Variants in NINL observed in about 807,000 individuals in gnomAD.
NINL encodes the protein ninein-like protein.
A neutral mutation model predicts 160.3 loss-of-function variants in NINL; 153 were observed. The observed-to-expected ratio is 0.95, with a 90% CI of 0.84 to 1.09. The LOEUF (loss-of-function observed/expected upper bound fraction) is 1.09, where lower values mean the gene tolerates loss of function less well. Ranked by LOEUF, NINL falls within the 50% of genes least tolerant of loss-of-function variation. NINL has a pLI of 0.00. For missense variants in NINL, 1,829 were observed against 1,764.0 expected (o/e 1.04, Z -0.66); for synonymous variants, 800 against 734.8 (o/e 1.09, Z -1.43).
intron 17 of NINL, among the ~76,000 whole-genome samples, chr20:25,475,643 G>A (rs1394494080): frequency 3.3e-5 from 5 of 152,128 alleles, no homozygotes; most frequent in African/African-American, 7.2e-5. Flanking sequence ...AGGCCAAGGC[G>A]GGCAGATCAC....
chr20:25,457,360 C>T (rs925849057), intron 22 of NINL, among the ~76,000 whole-genome samples: 2 of 152,126 alleles, frequency 1.3e-5, no homozygotes, highest in Non-Finnish European at 2.9e-5. Context: ...TATGTTCTGG[C>T]CCAAACCACA....
At chr20:25,512,701 T>C in intron 4 of NINL, 133 bp downstream of exon 4, 1 of 1,153,610 alleles carries the variant, frequency 8.7e-7, no homozygotes, top group Non-Finnish European at 1.2e-6. Flanking sequence ...ACCAAGCTTC[T>C]GGCGACTCAG....
chr20:25,498,959 C>T, intron 8 of NINL: 1 of 985,498 alleles, frequency 1.0e-6, no homozygotes, highest in Non-Finnish European at 1.2e-6. Flanking sequence ...CTAAGACCCT[C>T]AGCTCAAGGG....
intron 1 of NINL, among the ~76,000 whole-genome samples, chr20:25,530,243 G>A (rs531705587): frequency 9.2e-5 from 14 of 152,144 alleles, no homozygotes; most frequent in African/African-American, 3.4e-4. Flanking sequence ...GCACACGCAC[G>A]TACATAACAC....
chr20:25,527,108 T>C (rs767526508), intron 1 of NINL, among the ~76,000 whole-genome samples: 1 of 151,630 alleles, frequency 6.6e-6, no homozygotes, highest in Non-Finnish European at 1.5e-5. Context: ...AAAATTCCAC[T>C]ACCATATAAA....
intron 1 of NINL, among the ~76,000 whole-genome samples, chr20:25,548,778 C>T (rs66927803): frequency 0.08 from 11,579 of 145,346 alleles, 639 homozygotes; most frequent in African/African-American, 0.18. Context: ...CCCACGGCCA[C>T]AGCTCCCACA....
At chr20:25,512,247 T>G (rs913316717) in intron 4 of NINL, among the ~76,000 whole-genome samples, 21 of 152,264 alleles carry the variant, frequency 1.4e-4, no homozygotes, top group African/African-American at 2.2e-4. Flanking sequence ...GTGTTCAAGA[T>G]AAGTAGGGCT....
chr20:25,482,147 A>G, intron 13 of NINL, 47 bp from the exon 14 acceptor site: 3 of 1,566,716 alleles, frequency 1.9e-6, no homozygotes, highest in Non-Finnish European at 2.6e-6. Context: ...GCAGCCATTC[A>G]GCCCAGCGAG....
intron 17 of NINL, among the ~76,000 whole-genome samples, chr20:25,473,719 T>C (rs544355528): frequency 0.012 from 1,410 of 120,270 alleles, 17 homozygotes; most frequent in African/African-American, 0.038. Context: ...CACACACACA[T>C]CAGCTGGGCA....
chr20:25,491,412 T>G lies in NINL; in HGVS notation c.1424A>C (p.Asp475Ala). Residue 475 changes from aspartate (D) to alanine (A), a missense_variant, in exon 11 of 24, where the codon GAC becomes GCC. Physicochemically the swap from Asp to Ala is moderately radical, Grantham distance 126. Transcript: ENST00000278886. ...CTCCTCAGCCTGCAGGCGCCCCACG[T>G]CCCACTCCAGCGCGGCCCTCTGCCT... The part of the protein sequence containing the change: ...AHRQRAALEW[D>A]VGRLQAEEAG... The G allele has an allele frequency of 6.2e-7, 1 of 1,613,216 alleles. No homozygotes were observed. Among genetic ancestry groups the G allele is most frequent in the Non-Finnish European group, 8.5e-7 (1 of 1,179,978 alleles).
chr20:25,488,582 T>G (rs1410906455), intron 13 of NINL, among the ~76,000 whole-genome samples: 1 of 151,912 alleles, frequency 6.6e-6, no homozygotes, highest in Non-Finnish European at 1.5e-5. Context: ...TGTCATGTGA[T>G]ATCATGATGG....
chr20:25,477,142 C>G (rs2063278725), intron 16 of NINL, 53 bp from the exon 17 acceptor site: 1 of 1,484,772 alleles, frequency 6.7e-7, no homozygotes, highest in South Asian at 1.3e-5. Context: ...CAGCCCCTCT[C>G]TCGGGTTTGA....
rs554669174 is a variant in NINL at position 25,553,997 on chromosome 20, C to T, written c.-11-27399G>A. 3.9e-5 allele frequency among the ~76,000 whole-genome samples: 6 copies of T among 152,364 alleles called. No individual in the cohort carries two copies. In the East Asian group the frequency reaches 1.2e-3, roughly 29 times the overall value. ...ATAAACATGCAAGCCTTCCAGGCAG[C>T]TATGGCTGGACCTGGCAGGCAGGGC... On this transcript the variant is annotated intron_variant, in intron 1 of 23. Transcript: ENST00000278886.
rs1367475675 is a variant in NINL at position 25,458,403 on chromosome 20, T to C, written c.3823A>G (p.Arg1275Gly). ...CTTACCCGCTGTGCATCCAGGCGCC[T>C]CCTGGCCTGCTCTCCCTGAAGGCTG... is the stretch of plus-strand genomic sequence containing the variant. ...LLSLQGEQARRRLDAQREEHE... is the reference protein window; with the variant it reads ...LLSLQGEQARGRLDAQREEHE... The change falls in exon 22 of 24, where the codon AGG becomes GGG. Residue 1275 changes from arginine (R) to glycine (G), a missense_variant. Coordinates refer to ENST00000278886, the MANE Select transcript of NINL (RefSeq NM_025176.6). 6.2e-7 allele frequency: 1 copy of C among 1,606,632 alleles called. No individual in the cohort carries two copies. Among genetic ancestry groups the C allele is most frequent in the Non-Finnish European group, 8.5e-7 (1 of 1,179,970 alleles).
intron 1 of NINL, among the ~76,000 whole-genome samples, chr20:25,527,392 G>A (rs1340445179): frequency 6.6e-6 from 1 of 152,146 alleles, no homozygotes; most frequent in African/African-American, 2.4e-5. Flanking sequence ...GACCTCAAGT[G>A]ATCGCCTGCC....
At chr20:25,475,820 C>T (rs562703918) in intron 17 of NINL, among the ~76,000 whole-genome samples, 1 of 152,334 alleles carries the variant, frequency 6.6e-6, no homozygotes, top group South Asian at 2.1e-4. Flanking sequence ...GGCAGTCCTG[C>T]CCTCCCTCTG....
chr20:25,514,784 A>G (rs2064132983), intron 3 of NINL, among the ~76,000 whole-genome samples: 1 of 152,212 alleles, frequency 6.6e-6, no homozygotes, highest in African/African-American at 2.4e-5. Flanking sequence ...GGGGCCAAAA[A>G]TATCTCAGGC....
At chr20:25,467,154 G>A (rs2062934148) in intron 19 of NINL, among the ~76,000 whole-genome samples, 1 of 152,204 alleles carries the variant, frequency 6.6e-6, no homozygotes, top group Middle Eastern at 3.2e-3. Context: ...CCCAACTACT[G>A]CGTGCCACAT....
chr20:25,474,479 G>A (rs1032698993), intron 17 of NINL, among the ~76,000 whole-genome samples: 1 of 152,216 alleles, frequency 6.6e-6, no homozygotes, highest in African/African-American at 2.4e-5. Context: ...ACATTCCAAG[G>A]GTGGAGAGGC....
Sources: gnomAD v4.1 joint callset for allele counts (sites outside exome capture counted in the v4.1 genomes callset) on GRCh38, gnomAD v4.1.1 for gene constraint, MANE v1.5 for transcripts, NCBI Gene and HGNC (gene_info 2026-07-23, HGNC 2026-07-21) for gene names.